MYO1D: variants seen among roughly 807,000 people sequenced by gnomAD.
MYO1D encodes unconventional myosin-Id.
Under a neutral mutation model 122.0 loss-of-function variants are expected in MYO1D, and 83 were observed. The observed-to-expected ratio is 0.68, with a 90% CI of 0.57 to 0.82. MYO1D has a LOEUF of 0.82. Ranked by LOEUF, MYO1D falls within the 40% of genes least tolerant of loss-of-function variation. MYO1D has a pLI of 0.00. For missense variants in MYO1D, 1,157 were observed against 1,269.5 expected (o/e 0.91, Z 1.35); for synonymous variants, 464 against 446.9 (o/e 1.04, Z -0.48).
chr17:32,558,013 T>TA (rs1021320104), intron 21 of MYO1D, among the ~76,000 whole-genome samples: 9 of 152,062 alleles, frequency 5.9e-5, no homozygotes, highest in African/African-American at 2.2e-4. Flanking sequence ...TTTCAGGTGT[T>TA]ACAAAATATT....
rs114719088 is a variant in MYO1D at position 32,723,027 on chromosome 17, C to T, written c.1747-1838G>A. ...AGTCAATCATGCCTTTGTGATGAAA[C>T]GCTGATAAAACAAAAAAAACAAAAC... On this transcript the variant is annotated intron_variant, in intron 14 of 21. Transcript: ENST00000318217. Among the ~76,000 whole-genome samples the T allele has an allele frequency of 3.9e-3, 597 of 152,210 alleles. 3 individuals carry two copies. The highest frequency in any genetic ancestry group is 0.013 in the African/African-American group (552 of 41,520).
At chr17:32,514,164 C>T (rs1276644642) in intron 21 of MYO1D, among the ~76,000 whole-genome samples, 1 of 139,180 alleles carries the variant, frequency 7.2e-6, no homozygotes, top group African/African-American at 2.7e-5. Context: ...CTGCTTAAAT[C>T]CACAGGTAGA....
At chr17:32,566,257 T>C (rs1031681656) in intron 21 of MYO1D, among the ~76,000 whole-genome samples, 100 of 152,178 alleles carry the variant, frequency 6.6e-4, no homozygotes, top group African/African-American at 2.2e-3. Context: ...ACCAGAGTGC[T>C]AGAAGACGAC....
At chr17:32,601,092 T>C (rs1240735210) in intron 21 of MYO1D, among the ~76,000 whole-genome samples, 1 of 152,020 alleles carries the variant, frequency 6.6e-6, no homozygotes, top group African/African-American at 2.4e-5. Context: ...ACCACCATGC[T>C]TGACTAACTT....
intron 21 of MYO1D, among the ~76,000 whole-genome samples, chr17:32,588,991 A>C (rs996770368): frequency 3.4e-4 from 51 of 151,858 alleles, no homozygotes; most frequent in African/African-American, 9.9e-4. Context: ...CCCACAAAAA[A>C]CAAAAACAAA....
At chr17:32,761,591 T>C (rs1348322672) in intron 8 of MYO1D, among the ~76,000 whole-genome samples, 1 of 152,180 alleles carries the variant, frequency 6.6e-6, no homozygotes, top group Non-Finnish European at 1.5e-5. Context: ...CTGGTCCTCT[T>C]CTCTTCACTC....
At chr17:32,810,846 G>C (rs949687168) in intron 1 of MYO1D, among the ~76,000 whole-genome samples, 1 of 151,170 alleles carries the variant, frequency 6.6e-6, no homozygotes, top group Non-Finnish European at 1.5e-5. Context: ...TCTGTTTGAG[G>C]AGTTGTCTTT....
At chr17:32,514,644 A>G (rs1364345197) in intron 21 of MYO1D, among the ~76,000 whole-genome samples, 1 of 152,218 alleles carries the variant, frequency 6.6e-6, no homozygotes, top group East Asian at 1.9e-4. Context: ...ACAATGGGTA[A>G]ATTATAGTTA....
chr17:32,596,727 C>T (rs913011566), intron 21 of MYO1D, among the ~76,000 whole-genome samples: 1 of 152,208 alleles, frequency 6.6e-6, no homozygotes, highest in Admixed American at 6.5e-5. Context: ...ATTTTAATGC[C>T]TGCAATTGGA....
At chr17:32,513,833 CTTT>C (rs543363715) in intron 21 of MYO1D, among the ~76,000 whole-genome samples, 2 of 142,490 alleles carry the variant, frequency 1.4e-5, no homozygotes, top group Non-Finnish European at 1.5e-5. Context: ...TTCTTTCTTT[CTTT>C]TTTTTTTTTT....
At chr17:32,844,362 T>C (rs1277465988) in intron 1 of MYO1D, among the ~76,000 whole-genome samples, 10 of 142,858 alleles carry the variant, frequency 7.0e-5, no homozygotes, top group African/African-American at 2.7e-4. Context: ...TGTATATATA[T>C]TATATATAGT....
chr17:32,683,301 T>C (rs1005592174), intron 16 of MYO1D, among the ~76,000 whole-genome samples: 4 of 152,230 alleles, frequency 2.6e-5, no homozygotes, highest in South Asian at 2.1e-4. Flanking sequence ...AGGAACTGTG[T>C]TCCTTTGGAG....
intron 16 of MYO1D, among the ~76,000 whole-genome samples, chr17:32,661,483 T>C (rs2088564279): frequency 6.6e-6 from 1 of 152,136 alleles, no homozygotes. Context: ...TGAAACCCTG[T>C]CTCCATCAAA....
In MYO1D at chr17:32,513,954, A is replaced by T. The variant is rs149160992; in HGVS notation, c.2865-19039T>A. Reference sequence around the variant, plus strand: ...ATACACCACCATGCTAATTAAAAAAATTTTTTTGGCCGGGCATGGTGGCTC... The same window carrying T: ...ATACACCACCATGCTAATTAAAAAATTTTTTTTGGCCGGGCATGGTGGCTC... On this transcript the variant is annotated intron_variant, in intron 21 of 21. Transcript: ENST00000318217. 6.6e-5 allele frequency among the ~76,000 whole-genome samples: 10 copies of T among 151,904 alleles called. No homozygotes were observed. In the East Asian group the frequency reaches 9.7e-4, roughly 15 times the overall value.
intron 20 of MYO1D, among the ~76,000 whole-genome samples, chr17:32,630,453 T>C (rs914002253): frequency 2.0e-5 from 3 of 152,212 alleles, no homozygotes; most frequent in Admixed American, 6.5e-5. Context: ...TATGTAAATA[T>C]ATTAGTTTGC....
chr17:32,641,499 G>C (rs935970968), intron 19 of MYO1D, among the ~76,000 whole-genome samples: 8 of 152,168 alleles, frequency 5.3e-5, no homozygotes, highest in Non-Finnish European at 1.5e-5. Context: ...GATCCCTGAG[G>C]AATCACCACA....
At chr17:32,739,882 G>A (rs192448070) in intron 13 of MYO1D, among the ~76,000 whole-genome samples, 4 of 152,048 alleles carry the variant, frequency 2.6e-5, no homozygotes, top group Non-Finnish European at 1.5e-5. Context: ...GGATTGACTG[G>A]GTCTGTGAAC....
chr17:32,661,687 G>A (rs913058740), intron 16 of MYO1D, among the ~76,000 whole-genome samples: 1 of 150,974 alleles, frequency 6.6e-6, no homozygotes, highest in Non-Finnish European at 1.5e-5. Flanking sequence ...AAAAAACCAC[G>A]TATATTATGA....
chr17:32,563,726 T>C (rs2087147677), intron 21 of MYO1D, among the ~76,000 whole-genome samples: 1 of 152,166 alleles, frequency 6.6e-6, no homozygotes, highest in Admixed American at 6.5e-5. Context: ...GTACACTGAG[T>C]TCTACTTCAT....
Sources: gnomAD v4.1 joint callset for allele counts (sites outside exome capture counted in the v4.1 genomes callset) on GRCh38, gnomAD v4.1.1 for gene constraint, MANE v1.5 for transcripts, NCBI Gene and HGNC (gene_info 2026-07-23, HGNC 2026-07-21) for gene names.